CTNNA2: variants seen among roughly 807,000 people sequenced by gnomAD.
The protein encoded by CTNNA2 is catenin alpha 2.
Under a neutral mutation model 101.0 loss-of-function variants are expected in CTNNA2, and 42 were observed. The observed-to-expected ratio is 0.42, with a 90% confidence interval of 0.32 to 0.54. The LOEUF is 0.54. Among genes scored for constraint, CTNNA2 ranks in the 20% least tolerant of loss-of-function variants. The pLI, the probability that CTNNA2 is intolerant of heterozygous loss-of-function variation, is 0.14. For missense variants in CTNNA2, 871 were observed against 1,223.1 expected (o/e 0.71, Z 4.29); for synonymous variants, 450 against 456.4 (o/e 0.99, Z 0.18).
In CTNNA2 at chr2:79,631,189, G is replaced by A. The variant is rs900184616; in HGVS notation, c.-5-20363G>A. Among the ~76,000 whole-genome samples, 4 of 152,096 alleles carry A rather than the reference G, an allele frequency of 2.6e-5. No homozygotes were observed. The South Asian group carries it at 8.3e-4, about 31-fold the overall frequency. On this transcript the variant is annotated intron_variant, in intron 1 of 18. Transcript: ENST00000402739. ...TTCCTCTGTGTGCTGTGCTCATAAT[G>A]TTGAACGCCTTATGTGGTAACTCTT...
chr2:80,337,907 G>C (rs1297059645), intron 7 of CTNNA2, among the ~76,000 whole-genome samples: 1 of 152,162 alleles, frequency 6.6e-6, no homozygotes, highest in African/African-American at 2.4e-5. Context: ...CAAGCCCAAG[G>C]CTGCCAAAGG....
chr2:79,211,880 C>T lies in CTNNA2; in HGVS notation c.-406+13804C>T, dbSNP rs182534473. Among the ~76,000 whole-genome samples, 269 of 152,022 alleles carry T rather than the reference C, an allele frequency of 1.8e-3. 1 individual carries two copies. The highest frequency in any genetic ancestry group is 6.2e-3 in the African/African-American group (255 of 41,454). The stretch of plus-strand genomic sequence containing the variant: ...CGATGTTTCTCAGGGCTGCTTCGAG[C>T]GGGATTAGGGGCGGCGCGGGAACCT... On this transcript the variant is annotated intron_variant, in intron 2 of 21. Coordinates refer to the CTNNA2 transcript ENST00000466387.
At position 79,782,966 on chromosome 2, in the gene CTNNA2, C is replaced by CTTT. The variant is rs36059702; in HGVS notation, c.298+38394_298+38396dup. Among the ~76,000 whole-genome samples the CTTT allele has an allele frequency of 4.8e-5, 7 of 145,976 alleles. No homozygotes were observed. The East Asian group carries it at 8.0e-4, about 17-fold the overall frequency. On this transcript the variant is annotated intron_variant, in intron 3 of 18. Transcript: ENST00000402739. Reference sequence around the variant, plus strand: ...GTTTTCTTCCTTCTTTCTTGACAGTCTTTTTTTTTTTTGTCTTCTGCCAGT... The same window carrying CTTT: ...GTTTTCTTCCTTCTTTCTTGACAGTCTTTTTTTTTTTTTTTGTCTTCTGCCAGT...
At chr2:80,348,104 A>G (rs1017070898) in intron 7 of CTNNA2, among the ~76,000 whole-genome samples, 3 of 152,140 alleles carry the variant, frequency 2.0e-5, no homozygotes, top group African/African-American at 7.2e-5. Flanking sequence ...TGAATGGTGA[A>G]GAGTTGACAA....
At chr2:79,747,921 A>G (rs1295064683) in intron 3 of CTNNA2, among the ~76,000 whole-genome samples, 2 of 152,230 alleles carry the variant, frequency 1.3e-5, no homozygotes, top group Non-Finnish European at 1.5e-5. Context: ...TCAAAGAAGC[A>G]TTACTATAGT....
intron 2 of CTNNA2, among the ~76,000 whole-genome samples, chr2:79,667,263 T>C (rs953860726): frequency 2.0e-4 from 31 of 152,236 alleles, no homozygotes; most frequent in African/African-American, 7.2e-4. Context: ...TGGGCCGTCA[T>C]GAAGGTTAAC....
intron 7 of CTNNA2, among the ~76,000 whole-genome samples, chr2:80,019,201 G>T (rs1234832195): frequency 6.6e-6 from 1 of 152,122 alleles, no homozygotes. Context: ...ATCTGAGTGG[G>T]GGTCCTGGAA....
chr2:80,536,003 G>A (rs543185045), intron 9 of CTNNA2, among the ~76,000 whole-genome samples: 1 of 152,250 alleles, frequency 6.6e-6, no homozygotes, highest in South Asian at 2.1e-4. Flanking sequence ...GATCATCGAA[G>A]GCTGAGCCTG....
chr2:79,301,287 T>C (rs1031378507), intron 2 of CTNNA2, among the ~76,000 whole-genome samples: 1 of 152,170 alleles, frequency 6.6e-6, no homozygotes, highest in Non-Finnish European at 1.5e-5. Flanking sequence ...ACCATTAAAT[T>C]TGCCACCCCT....
chr2:80,313,637 A>G (rs1206440765), intron 7 of CTNNA2: 1 of 1,608,618 alleles, frequency 6.2e-7, no homozygotes, highest in Non-Finnish European at 8.5e-7. Context: ...TGAGATGCAT[A>G]CCATGTCTGG....
chr2:79,348,973 G>A (rs551007301), intron 3 of CTNNA2, among the ~76,000 whole-genome samples: 4 of 152,114 alleles, frequency 2.6e-5, no homozygotes, highest in South Asian at 2.1e-4. Context: ...AATTGCAATC[G>A]GCAGAGTAAA....
chr2:80,282,036 T>C (rs1440567956), intron 7 of CTNNA2, among the ~76,000 whole-genome samples: 1 of 152,082 alleles, frequency 6.6e-6, no homozygotes, highest in Non-Finnish European at 1.5e-5. Context: ...GCCTTCATAA[T>C]GATGCTAGCA....
intron 7 of CTNNA2, among the ~76,000 whole-genome samples, chr2:79,982,367 A>C (rs200852886): frequency 2.6e-4 from 18 of 69,180 alleles, no homozygotes; most frequent in South Asian, 2.4e-3. Context: ...CCTATATAAC[A>C]TATATATAAC....
intron 1 of CTNNA2, among the ~76,000 whole-genome samples, chr2:79,649,936 G>A (rs538857133): frequency 4.6e-4 from 70 of 152,120 alleles, no homozygotes; most frequent in African/African-American, 8.9e-4. Flanking sequence ...CTTCTTTGTC[G>A]TGTTAATTCT....
intron 1 of CTNNA2, among the ~76,000 whole-genome samples, chr2:79,531,199 TATA>T (rs1672719801): frequency 5.9e-5 from 1 of 17,054 alleles, no homozygotes; most frequent in African/African-American, 3.1e-4. Flanking sequence ...TACGCTCATA[TATA>T]TATATATATA....
chr2:80,126,215 A>G (rs145100410), intron 7 of CTNNA2, among the ~76,000 whole-genome samples: 181 of 152,248 alleles, frequency 1.2e-3, no homozygotes, highest in Admixed American at 3.2e-3. Flanking sequence ...CAAAACTCAA[A>G]TCTAAAGCAT....
chr2:80,051,109 G>T lies in CTNNA2; in HGVS notation c.1056+141312G>T, dbSNP rs933190959. 3.3e-5 allele frequency among the ~76,000 whole-genome samples: 5 copies of T among 152,096 alleles called. No individual in the cohort carries two copies. The South Asian group carries it at 6.2e-4, about 19-fold the overall frequency. On this transcript the variant is annotated intron_variant, in intron 7 of 18. Transcript: ENST00000402739. The stretch of plus-strand genomic sequence containing the variant: ...TTACCATGAAATACTATTCACAATT[G>T]TTCTAGAAACAAAGGGATTTTGTAA...
At chr2:79,864,300 T>C (rs12998797) in intron 4 of CTNNA2, among the ~76,000 whole-genome samples, 35,713 of 151,758 alleles carry the variant, frequency 0.24, 4,621 homozygotes, top group East Asian at 0.58. Context: ...AACAAAGGCA[T>C]GAGATTAAGA....
chr2:80,557,513 T>A (rs1693148843), intron 12 of CTNNA2, among the ~76,000 whole-genome samples: 1 of 152,142 alleles, frequency 6.6e-6, no homozygotes, highest in South Asian at 2.1e-4. Context: ...CACCTGGGTC[T>A]GTCACTAGAT....
Sources: gnomAD v4.1 joint callset for allele counts (sites outside exome capture counted in the v4.1 genomes callset) on GRCh38, gnomAD v4.1.1 for gene constraint, MANE v1.5 for transcripts, NCBI Gene and HGNC (gene_info 2026-07-23, HGNC 2026-07-21) for gene names.